ZFHX3: variants seen among roughly 807,000 people sequenced by gnomAD.
The protein encoded by ZFHX3 is zinc finger homeobox 3, also known as zinc finger homeobox protein 3.
Under a neutral mutation model 279.1 loss-of-function variants are expected in ZFHX3, and 42 were observed. The observed-to-expected ratio is 0.15, with a 90% CI of 0.12 to 0.19. The LOEUF (loss-of-function observed/expected upper bound fraction) is 0.19, where lower values mean the gene tolerates loss of function less well. Among genes scored for constraint, ZFHX3 ranks in the 10% least tolerant of loss-of-function variants. The pLI is 1.00. For missense variants in ZFHX3, 4,981 were observed against 4,754.0 expected (o/e 1.05, Z -1.40); for synonymous variants, 2,293 against 1,957.8 (o/e 1.17, Z -4.52).
chr16:73,502,692 G>A (rs906431948), intron 2 of ZFHX3, among the ~76,000 whole-genome samples: 7 of 152,170 alleles, frequency 4.6e-5, no homozygotes, highest in African/African-American at 1.7e-4. Flanking sequence ...TGCTGGGGTG[G>A]GAGCAATGGA....
intron 1 of ZFHX3, among the ~76,000 whole-genome samples, chr16:73,771,633 A>G (rs2054018872): frequency 6.6e-6 from 1 of 150,760 alleles, no homozygotes; most frequent in Admixed American, 6.6e-5. Flanking sequence ...ACATAAGAGT[A>G]CCTAGTCTGA....
intron 1 of ZFHX3, among the ~76,000 whole-genome samples, chr16:73,727,180 C>A (rs1286766762): frequency 6.6e-6 from 1 of 152,176 alleles, no homozygotes; most frequent in Non-Finnish European, 1.5e-5. Flanking sequence ...AACACAGATC[C>A]TGAAAAGACC....
At chr16:73,268,903 C>G (rs1157576117) in intron 4 of ZFHX3, among the ~76,000 whole-genome samples, 1 of 152,082 alleles carries the variant, frequency 6.6e-6, no homozygotes, top group African/African-American at 2.4e-5. Context: ...AGGGTGGGCC[C>G]CGGGGACACT....
chr16:73,364,596 C>T (rs2016496371), intron 3 of ZFHX3, among the ~76,000 whole-genome samples: 1 of 152,190 alleles, frequency 6.6e-6, no homozygotes, highest in East Asian at 1.9e-4. Flanking sequence ...CCTAGTCTGG[C>T]CGGGGAACCC....
chr16:73,003,963 T>G (rs1230723374), intron 1 of ZFHX3, among the ~76,000 whole-genome samples: 1 of 150,686 alleles, frequency 6.6e-6, no homozygotes, highest in Non-Finnish European at 1.5e-5. Context: ...TTTTTTCCAC[T>G]TAGTTCAAAA....
At chr16:73,391,659 A>T (rs1011113210) in intron 3 of ZFHX3, among the ~76,000 whole-genome samples, 1 of 152,168 alleles carries the variant, frequency 6.6e-6, no homozygotes, top group African/African-American at 2.4e-5. Flanking sequence ...ACTCTAACAT[A>T]TCAAAGAGAA....
chr16:72,787,745 C>G lies in ZFHX3; in HGVS notation c.10531G>C (p.Gly3511Arg). ...VLHVPTGGGGGGSGGGGGGGG... is the reference protein window; with the variant it reads ...VLHVPTGGGGRGSGGGGGGGG... ...CCGCCGCCGCCGCCGCCACTGCCAC[C>G]GCCGCCGCCGCCGGTGGGGACGTGA... The change falls in exon 10 of 10, where the codon GGT becomes CGT. Residue 3511 changes from glycine to arginine, a missense_variant. Physicochemically the swap from Gly to Arg is moderately radical, Grantham distance 125. Transcript: ENST00000268489. 7.5e-7 allele frequency: 1 copy of G among 1,340,440 alleles called. No individual in the cohort carries two copies. Among genetic ancestry groups the G allele is most frequent in the Non-Finnish European group, 9.7e-7 (1 of 1,025,888 alleles). 83.0% of individuals were successfully genotyped at this position (1,340,440 alleles called of 1,614,324 possible).
Position 72,788,838 on chromosome 16 carries a change from A to G in ZFHX3, c.9438T>C (p.Ser3146=). The change falls in exon 10 of 10, where the codon TCT becomes TCC. Residue 3146 remains serine (S), a synonymous_variant. Coordinates refer to ENST00000268489, the MANE Select transcript of ZFHX3 (RefSeq NM_006885.4). ...GFTPSNTALT[S]PKPNLMGLPS... ...GCAGACCCATCAAGTTCGGCTTAGG[A>G]GACGTTAAAGCTGAAAGGAATGGAG... is the stretch of plus-strand genomic sequence containing the variant. 3 of 1,520,868 alleles carry G rather than the reference A, an allele frequency of 2.0e-6. No individual in the cohort carries two copies. The highest frequency in any genetic ancestry group is 1.8e-6 in the Non-Finnish European group (2 of 1,137,136). 94.2% of individuals were successfully genotyped at this position (1,520,868 alleles called of 1,614,324 possible).
At chr16:73,106,759 A>G (rs554542526) in intron 7 of ZFHX3, among the ~76,000 whole-genome samples, 2 of 152,332 alleles carry the variant, frequency 1.3e-5, no homozygotes, top group Admixed American at 6.5e-5. Flanking sequence ...TAATCAAAAC[A>G]TTTGTCAACT....
At chr16:73,366,365 TG>T (rs2143326406) in intron 3 of ZFHX3, among the ~76,000 whole-genome samples, 1 of 151,734 alleles carries the variant, frequency 6.6e-6, no homozygotes, top group Admixed American at 6.6e-5. Flanking sequence ...TGTAATACAG[TG>T]GGGGAAAACT....
At chr16:73,386,086 C>T (rs2016897152) in intron 3 of ZFHX3, among the ~76,000 whole-genome samples, 1 of 152,090 alleles carries the variant, frequency 6.6e-6, no homozygotes, top group Non-Finnish European at 1.5e-5. Context: ...GAAACTATAC[C>T]AGGTAATGTT....
At chr16:73,860,761 G>A (rs891487434) in intron 1 of ZFHX3, among the ~76,000 whole-genome samples, 2 of 152,048 alleles carry the variant, frequency 1.3e-5, no homozygotes, top group Non-Finnish European at 2.9e-5. Context: ...GCAGAACTCT[G>A]CTTGTCATTC....
At chr16:72,865,749 T>A (rs1338222052) in intron 4 of ZFHX3, among the ~76,000 whole-genome samples, 1 of 152,174 alleles carries the variant, frequency 6.6e-6, no homozygotes, top group Non-Finnish European at 1.5e-5. Context: ...GGACTGGCTC[T>A]TCCCAATTCT....
chr16:73,535,392 A>G (rs2019881615), intron 2 of ZFHX3, among the ~76,000 whole-genome samples: 1 of 152,200 alleles, frequency 6.6e-6, no homozygotes. Context: ...AGCTGGTATG[A>G]GGAGAGTTCA....
intron 7 of ZFHX3, among the ~76,000 whole-genome samples, chr16:72,804,550 T>C (rs754242755): frequency 4.0e-5 from 6 of 151,690 alleles, no homozygotes; most frequent in Non-Finnish European, 7.4e-5. Flanking sequence ...GGTTCATAAA[T>C]ACATAGTTCC....
intron 1 of ZFHX3, chr16:73,816,111 C>T (rs1394235215): frequency 5.3e-5 from 8 of 152,076 alleles, no homozygotes; most frequent in Non-Finnish European, 7.4e-5. Flanking sequence ...CAAAAATACC[C>T]CACTATTTAT....
intron 1 of ZFHX3, among the ~76,000 whole-genome samples, chr16:73,751,371 C>T (rs913053345): frequency 6.6e-6 from 1 of 152,032 alleles, no homozygotes; most frequent in African/African-American, 2.4e-5. Context: ...CACAGTATAC[C>T]AGAAAAGTAT....
At chr16:73,077,047 C>A (rs1478210328) in intron 8 of ZFHX3, among the ~76,000 whole-genome samples, 1 of 152,090 alleles carries the variant, frequency 6.6e-6, no homozygotes, top group Non-Finnish European at 1.5e-5. Flanking sequence ...GGTAACTATT[C>A]CCCTCCTTTG....
chr16:73,320,109 G>A (rs920033832), intron 3 of ZFHX3, among the ~76,000 whole-genome samples: 1 of 152,172 alleles, frequency 6.6e-6, no homozygotes, highest in Admixed American at 6.5e-5. Flanking sequence ...GGGAAGAACC[G>A]CAGGGATGCA....
Sources: gnomAD v4.1 joint callset for allele counts (sites outside exome capture counted in the v4.1 genomes callset) on GRCh38, gnomAD v4.1.1 for gene constraint, MANE v1.5 for transcripts, NCBI Gene and HGNC (gene_info 2026-07-23, HGNC 2026-07-21) for gene names.